The following FEM1B variants were observed in gnomAD, a reference collection of about 807,000 sequenced individuals.
The protein encoded by FEM1B is fem-1 homolog B.
Under a neutral mutation model 38.6 loss-of-function variants are expected in FEM1B, and 10 were observed. That is an observed-to-expected ratio of 0.26 (90% CI 0.16 to 0.44). The LOEUF (loss-of-function observed/expected upper bound fraction) is 0.44, where lower values mean the gene tolerates loss of function less well. FEM1B is among the 20% of genes least tolerant of loss of function. The probability of loss-of-function intolerance (pLI) is 1.00; values close to 1 mark genes in which losing one functional copy is unlikely to be tolerated. For missense variants in FEM1B, 471 were observed against 786.7 expected, an observed-to-expected ratio of 0.60 and a Z score of 4.80; for synonymous variants, 288 against 288.0, an observed-to-expected ratio of 1.00 and a Z score of 0.00.
chr15:68,290,534 C>T lies in FEM1B; in HGVS notation c.1176C>T (p.Phe392=), dbSNP rs749413928. The T allele has an allele frequency of 6.2e-7, 1 of 1,614,164 alleles. No individual in the cohort carries two copies. The highest frequency in any genetic ancestry group is 2.2e-5 in the East Asian group (1 of 44,894). The change falls in exon 2 of 2, where the codon TTC becomes TTT. Residue 392 remains phenylalanine, a synonymous_variant. Coordinates refer to ENST00000306917, the MANE Select transcript of FEM1B (RefSeq NM_015322.5). This position sits in a 1 kb window ranked among gnomAD's most constrained non-coding sequence, Gnocchi z 9.7. ...HKDLLRFAQV[F]SQMIHLNETV... ...ATCTTCTTCGATTTGCTCAAGTTTT[C>T]TCACAAATGATACATTTGAATGAAA...
At chr15:68,286,019 C>A (rs565909385) in intron 1 of FEM1B, among the ~76,000 whole-genome samples, 1 of 148,414 alleles carries the variant, frequency 6.7e-6, no homozygotes, top group Non-Finnish European at 1.5e-5. Context: ...TTTTGAGAAG[C>A]TTTTCACACT....
rs1892842346 is a variant in FEM1B at position 68,291,060 on chromosome 15, A to G, written c.1702A>G (p.Met568Val). 6.2e-7 allele frequency: 1 copy of G among 1,614,146 alleles called. No homozygotes were observed. Among genetic ancestry groups the G allele is most frequent in the Non-Finnish European group, 8.5e-7 (1 of 1,180,020 alleles). The change falls in exon 2 of 2, where the codon ATG (methionine) becomes GTG (valine). Residue 568 changes from methionine (M) to valine (V), a missense_variant. Around this residue, in one of 3 missense-constraint regions of FEM1B, gnomAD observed 380 missense variants for 599.6 expected, o/e 0.63. Coordinates refer to ENST00000306917, the MANE Select transcript of FEM1B (RefSeq NM_015322.5). The surrounding 1 kb of genome is among the most constrained non-coding windows in gnomAD (Gnocchi z 6.9). ...AGTTGAAGCCGGAGCTCACACTGAC[A>G]TGACGAATAAACAGAATAAGACTCC... is the stretch of plus-strand genomic sequence containing the variant. ...SLVEAGAHTDMTNKQNKTPLD... is the reference protein window; with the variant it reads ...SLVEAGAHTDVTNKQNKTPLD...
rs1467201330 is a variant in FEM1B at position 68,294,428 on chromosome 15, A to G, written c.*3186A>G. ...GTATGATAACATTGTTTGAAGTAAAATATGATTTGGGGGCAGCAGCTTTCT... is the reference window on the plus strand; with the variant it reads ...GTATGATAACATTGTTTGAAGTAAAGTATGATTTGGGGGCAGCAGCTTTCT... On this transcript the variant is annotated 3_prime_UTR_variant, in exon 2 of 2. Coordinates refer to ENST00000306917, the MANE Select transcript of FEM1B (RefSeq NM_015322.5). The surrounding 1 kb of genome is among the most constrained non-coding windows in gnomAD (Gnocchi z 4.4). The G allele has an allele frequency of 6.6e-6, 1 of 152,180 alleles. No individual in the cohort carries two copies. The highest frequency in any genetic ancestry group is 1.5e-5 in the Non-Finnish European group (1 of 68,018). The allele number at this position is 152,180 out of a possible 1,614,324, so 9.4% of individuals were successfully genotyped here. A position where few individuals can be genotyped will look rare whatever the true frequency, so the allele number is the denominator to read the frequency against.
chr15:68,281,679 G>A lies in FEM1B; in HGVS notation c.248+3014G>A, dbSNP rs1351907368. ...GTCGCCGGGGCTGGAGTGCAGTGGC[G>A]CGATCTCGGCTCACTGCAAGCTCTG... On this transcript the variant is annotated intron_variant, in intron 1 of 1. Transcript: ENST00000306917. This position sits in a 1 kb window ranked among gnomAD's most constrained non-coding sequence, Gnocchi z 5.1. 2.0e-5 allele frequency among the ~76,000 whole-genome samples: 3 copies of A among 151,966 alleles called. No homozygotes were observed. Among genetic ancestry groups the A allele is most frequent in the African/African-American group, 4.8e-5 (2 of 41,366 alleles).
rs770659641 is a variant in FEM1B at position 68,278,607 on chromosome 15, T to C, written c.190T>C (p.Leu64=). 2 of 1,614,074 alleles carry C rather than the reference T, an allele frequency of 1.2e-6. No homozygotes were observed. The highest frequency in any genetic ancestry group is 4.5e-5 in the East Asian group (2 of 44,864). Residue 64 remains leucine (L), a synonymous_variant, in exon 1 of 2, where the codon TTG becomes CTG. Coordinates refer to ENST00000306917, the MANE Select transcript of FEM1B (RefSeq NM_015322.5). The surrounding 1 kb of genome is among the most constrained non-coding windows in gnomAD (Gnocchi z 5.7). ...CAATGGACACGCAAAGGTGGTACGCTTGCTCTTAGAACATTACCGGGTGCA... is the reference window on the plus strand; with the variant it reads ...CAATGGACACGCAAAGGTGGTACGCCTGCTCTTAGAACATTACCGGGTGCA... The part of the protein sequence containing the change: ...ARNGHAKVVR[L]LLEHYRVQTQ...
In FEM1B at chr15:68,281,398, T is replaced by C. The variant is rs920765179; in HGVS notation, c.248+2733T>C. On this transcript the variant is annotated intron_variant, in intron 1 of 1. Transcript: ENST00000306917. The surrounding 1 kb of genome is among the most constrained non-coding windows in gnomAD (Gnocchi z 5.1). ...TGCTTGATAGTTGTCTTCAGAATGT[T>C]TTACTTCTTAGCTTCATCCCATGTA... Among the ~76,000 whole-genome samples, 3 of 152,240 alleles carry C rather than the reference T, an allele frequency of 2.0e-5. No individual in the cohort carries two copies. Among genetic ancestry groups the C allele is most frequent in the Non-Finnish European group, 4.4e-5 (3 of 68,046 alleles).
At position 68,281,002 on chromosome 15, in the gene FEM1B, G is replaced by C. The variant is rs1489344684; in HGVS notation, c.248+2337G>C. Among the ~76,000 whole-genome samples, 3 of 152,198 alleles carry C rather than the reference G, an allele frequency of 2.0e-5. No homozygotes were observed. The highest frequency in any genetic ancestry group is 4.4e-5 in the Non-Finnish European group (3 of 68,034). On this transcript the variant is annotated intron_variant, in intron 1 of 1. Transcript: ENST00000306917. The surrounding 1 kb of genome is among the most constrained non-coding windows in gnomAD (Gnocchi z 5.1). ...ATTAATTAATAAAAGAGATATTGAA[G>C]TTCCTGGTACTCTCTGTGCATTCAC... is the stretch of plus-strand genomic sequence containing the variant.
In FEM1B at chr15:68,290,509, ATCT is replaced by A; in HGVS notation, c.1157_1159del (p.Leu386del). ...AAAGGTAACAGGAACACCCACAAGG[ATCT>A]TCTTCGATTTGCTCAAGTTTTCTCA... On this transcript the variant is annotated inframe_deletion, in exon 2 of 2. Coordinates refer to ENST00000306917, the MANE Select transcript of FEM1B (RefSeq NM_015322.5). The surrounding 1 kb of genome is among the most constrained non-coding windows in gnomAD (Gnocchi z 9.7). 1.2e-6 allele frequency: 2 copies of A among 1,614,216 alleles called. No individual in the cohort carries two copies. Among genetic ancestry groups the A allele is most frequent in the Non-Finnish European group, 1.7e-6 (2 of 1,180,034 alleles).
rs191189698 is a variant in FEM1B at position 68,284,763 on chromosome 15, C to T, written c.249-4844C>T. On this transcript the variant is annotated intron_variant, in intron 1 of 1. Coordinates refer to ENST00000306917, the MANE Select transcript of FEM1B (RefSeq NM_015322.5). The surrounding 1 kb of genome is among the most constrained non-coding windows in gnomAD (Gnocchi z 4.4). The stretch of plus-strand genomic sequence containing the variant: ...ACCCAAATCTTATCTTGAATTCCCA[C>T]GTGTTGTGGGAGGGACCTGGTGGGA... 6.6e-6 allele frequency among the ~76,000 whole-genome samples: 1 copy of T among 152,278 alleles called. No homozygotes were observed. The highest frequency in any genetic ancestry group is 6.5e-5 in the Admixed American group (1 of 15,302).
At chr15:68,283,352 G>A (rs1892748091) in intron 1 of FEM1B, among the ~76,000 whole-genome samples, 1 of 151,556 alleles carries the variant, frequency 6.6e-6, no homozygotes, top group African/African-American at 2.4e-5. Flanking sequence ...CTGTTTCCTG[G>A]CATATAATAA....
Position 68,295,678 on chromosome 15 carries a change from A to T in FEM1B, c.*4436A>T, listed in dbSNP as rs1202146562. 2 of 152,204 alleles carry T rather than the reference A, an allele frequency of 1.3e-5. No homozygotes were observed. Among genetic ancestry groups the T allele is most frequent in the African/African-American group, 2.4e-5 (1 of 41,450 alleles). 9.4% of individuals were successfully genotyped at this position (152,204 alleles called of 1,614,324 possible). The stretch of plus-strand genomic sequence containing the variant: ...TTTAATAAACATAGTAAACTTGCTG[A>T]CTGCACCAGAGGTCCATTAGTGATT... On this transcript the variant is annotated 3_prime_UTR_variant, in exon 2 of 2. Coordinates refer to ENST00000306917, the MANE Select transcript of FEM1B (RefSeq NM_015322.5).
chr15:68,282,869 A>T (rs1279285039), intron 1 of FEM1B, among the ~76,000 whole-genome samples: 1 of 152,206 alleles, frequency 6.6e-6, no homozygotes, highest in East Asian at 1.9e-4. Context: ...AATTCTCTTT[A>T]ATCTGTTTAA....
Position 68,291,405 on chromosome 15 carries a change from AATTG to A in FEM1B, c.*167_*170del. ...GTATTTGTTTTTCTTGCCTCATGGT[AATTG>A]ATTTCAGACAGACTTTAACAAAACC... On this transcript the variant is annotated 3_prime_UTR_variant, in exon 2 of 2. Transcript: ENST00000306917. This position sits in a 1 kb window ranked among gnomAD's most constrained non-coding sequence, Gnocchi z 6.9. 1 of 573,160 alleles carries A rather than the reference AATTG, an allele frequency of 1.7e-6. No individual in the cohort carries two copies. The highest frequency in any genetic ancestry group is 2.9e-5 in the East Asian group (1 of 34,354). The allele number at this position is 573,160 out of a possible 1,614,324, so 35.5% of individuals were successfully genotyped here. A position where few individuals can be genotyped will look rare whatever the true frequency, so the allele number is the denominator to read the frequency against.
At chr15:68,285,593 G>T (rs941486443) in intron 1 of FEM1B, among the ~76,000 whole-genome samples, 7 of 151,932 alleles carry the variant, frequency 4.6e-5, no homozygotes, top group Non-Finnish European at 8.8e-5. Flanking sequence ...TGGTAAACTG[G>T]TTTTAATTTG....
At chr15:68,286,899 T>C (rs1892795231) in intron 1 of FEM1B, among the ~76,000 whole-genome samples, 1 of 152,262 alleles carries the variant, frequency 6.6e-6, no homozygotes, top group South Asian at 2.1e-4. Flanking sequence ...ATTCATTCTT[T>C]TTTTTGAGAT....
Position 68,291,472 on chromosome 15 carries a change from G to T in FEM1B, c.*230G>T. 6.9e-6 allele frequency: 3 copies of T among 436,016 alleles called. No homozygotes were observed. The highest frequency in any genetic ancestry group is 3.4e-5 in the East Asian group (1 of 29,164). 27.0% of individuals were successfully genotyped at this position (436,016 alleles called of 1,614,324 possible). A position where few individuals can be genotyped will look rare whatever the true frequency, so the allele number is the denominator to read the frequency against. On this transcript the variant is annotated 3_prime_UTR_variant, in exon 2 of 2. Transcript: ENST00000306917. The surrounding 1 kb of genome is among the most constrained non-coding windows in gnomAD (Gnocchi z 6.9). ...TGTAACTATAAGGTATTTGCATATTGGTTACCTATTTGTCTTTCTTTTTTT... is the reference window on the plus strand; with the variant it reads ...TGTAACTATAAGGTATTTGCATATTTGTTACCTATTTGTCTTTCTTTTTTT...
chr15:68,279,625 A>T (rs942677881), intron 1 of FEM1B, among the ~76,000 whole-genome samples: 7 of 152,058 alleles, frequency 4.6e-5, no homozygotes, highest in African/African-American at 1.7e-4. Context: ...GCATAAAAAT[A>T]TATATCTTTA....
In FEM1B at chr15:68,289,958, A is replaced by T; in HGVS notation, c.600A>T (p.Ile200=). The part of the protein sequence containing the change: ...ALHFAAEAGH[I]DIVKELIKWR... ...ACTTTGCAGCTGAAGCTGGGCACAT[A>T]GATATTGTGAAAGAGCTGATAAAAT... The change falls in exon 2 of 2, where the codon ATA becomes ATT. Residue 200 remains isoleucine (I), a synonymous_variant. Transcript: ENST00000306917. The surrounding 1 kb of genome is among the most constrained non-coding windows in gnomAD (Gnocchi z 6.9). 2 of 1,614,188 alleles carry T rather than the reference A, an allele frequency of 1.2e-6. No homozygotes were observed. The highest frequency in any genetic ancestry group is 1.7e-6 in the Non-Finnish European group (2 of 1,180,022).
rs189587944 is a variant in FEM1B, at chr15:68,292,191, A to C, written c.*949A>C. On this transcript the variant is annotated 3_prime_UTR_variant, in exon 2 of 2. Transcript: ENST00000306917. ...GCCTCCCTAATAAGGTATTTTACTT[A>C]TGACAGATGAAAAGGAACCAGGATA... The C allele has an allele frequency of 6.6e-6, 1 of 152,198 alleles. No homozygotes were observed. Among genetic ancestry groups the C allele is most frequent in the Non-Finnish European group, 1.5e-5 (1 of 68,012 alleles). 9.4% of individuals were successfully genotyped at this position (152,198 alleles called of 1,614,324 possible).
Sources: gnomAD v4.1 joint callset for allele counts (sites outside exome capture counted in the v4.1 genomes callset) on GRCh38, gnomAD v4.1.1 for gene constraint, gnomAD v4.1.1 regional missense constraint, Gnocchi (gnomAD v3.1) non-coding constraint, MANE v1.5 for transcripts, NCBI Gene and HGNC (gene_info 2026-07-23, HGNC 2026-07-21) for gene names.